BTD: variants seen among roughly 807,000 people sequenced by gnomAD.
BTD encodes the protein biocytinase.
Under a neutral mutation model 17.7 loss-of-function variants are expected in BTD, and 13 were observed. The ratio of observed to expected loss-of-function variants is 0.74; its 90% CI spans 0.48 to 1.17. The LOEUF is 1.17. BTD is among the 50% of genes most tolerant of loss of function. The pLI is 0.00. For missense variants in BTD, 674 were observed against 650.4 expected (o/e 1.04, Z -0.39); for synonymous variants, 240 against 245.2 (o/e 0.98, Z 0.20).
intron 3 of BTD, among the ~76,000 whole-genome samples, chr3:15,699,936 G>A (rs143728671): frequency 0.091 from 13,803 of 152,194 alleles, 692 homozygotes; most frequent in African/African-American, 0.12. Flanking sequence ...ACATGCACAC[G>A]TATGTTTACT....
intron 3 of BTD, among the ~76,000 whole-genome samples, chr3:15,702,631 C>CA (rs1312813072): frequency 3.3e-5 from 5 of 152,136 alleles, no homozygotes; most frequent in Non-Finnish European, 5.9e-5. Context: ...CTTACCCTAC[C>CA]ACTCATGAAC....
At chr3:15,660,539 A>G (rs992073670) in intron 3 of BTD, among the ~76,000 whole-genome samples, 2 of 152,252 alleles carry the variant, frequency 1.3e-5, no homozygotes, top group African/African-American at 4.8e-5. Flanking sequence ...CAAGGATCAC[A>G]TTTATTGTGT....
At chr3:15,678,116 G>C in intron 3 of BTD, 1 of 1,250,716 alleles carries the variant, frequency 8.0e-7, no homozygotes, top group Non-Finnish European at 1.1e-6. Flanking sequence ...GGAGTGGTAA[G>C]ATAACTAGTT....
Position 15,645,306 on chromosome 3 carries a change from T to G in BTD, c.1390T>G (p.Phe464Val). 6.2e-7 allele frequency: 1 copy of G among 1,614,120 alleles called. No homozygotes were observed. Among genetic ancestry groups the G allele is most frequent in the Non-Finnish European group, 8.5e-7 (1 of 1,180,028 alleles). The part of the protein sequence containing the change: ...EITEATGIFE[F>V]HLWGNFSTSY... ...CACAGAGGCCACGGGGATATTTGAG[T>G]TTCACCTGTGGGGCAACTTCAGTAC... Residue 464 changes from phenylalanine (F) to valine (V), a missense_variant, in exon 4 of 4, where the codon TTT (phenylalanine) becomes GTT (valine). By Grantham distance (50) the Phe-to-Val change is conservative. Transcript: ENST00000643237.
intron 3 of BTD, among the ~76,000 whole-genome samples, chr3:15,689,435 CT>C (rs2068523375): frequency 6.6e-6 from 1 of 152,208 alleles, no homozygotes; most frequent in Non-Finnish European, 1.5e-5. Flanking sequence ...CCACTGCCCC[CT>C]GAGGGGCCCC....
intron 2 of BTD, among the ~76,000 whole-genome samples, chr3:15,637,032 C>T (rs942314056): frequency 6.6e-6 from 1 of 152,046 alleles, no homozygotes; most frequent in African/African-American, 2.4e-5. Context: ...AGTCAGCCTC[C>T]CCGTAACTGC....
intron 3 of BTD, among the ~76,000 whole-genome samples, chr3:15,659,910 G>T (rs894549885): frequency 6.6e-6 from 1 of 152,162 alleles, no homozygotes; most frequent in South Asian, 2.1e-4. Context: ...TGAGGTTCAG[G>T]GAGGTTTAAT....
At chr3:15,666,009 G>T (rs1002899600) in intron 3 of BTD, among the ~76,000 whole-genome samples, 1 of 152,120 alleles carries the variant, frequency 6.6e-6, no homozygotes, top group Middle Eastern at 3.2e-3. Context: ...TAGATTTGGG[G>T]TGGTTAGGTG....
At chr3:15,637,896 A>G (rs2065393994) in intron 2 of BTD, among the ~76,000 whole-genome samples, 1 of 152,234 alleles carries the variant, frequency 6.6e-6, no homozygotes, top group African/African-American at 2.4e-5. Context: ...TGTTGAAACC[A>G]CGCCAGCTGC....
intron 3 of BTD, among the ~76,000 whole-genome samples, chr3:15,707,712 A>G (rs1016880193): frequency 1.3e-5 from 2 of 152,208 alleles, no homozygotes; most frequent in Non-Finnish European, 2.9e-5. Flanking sequence ...CTTCCACCAG[A>G]TCAGCTAGTA....
At chr3:15,628,297 A>C (rs1268457241) in intron 1 of BTD, among the ~76,000 whole-genome samples, 1 of 152,242 alleles carries the variant, frequency 6.6e-6, no homozygotes, top group Non-Finnish European at 1.5e-5. Flanking sequence ...TCCACCATAC[A>C]TCTAGAGATG....
At chr3:15,678,320 C>T (rs1307078981) in intron 3 of BTD, 4 of 1,611,310 alleles carry the variant, frequency 2.5e-6, no homozygotes, top group Non-Finnish European at 3.4e-6. Flanking sequence ...AAACACTCTA[C>T]ATGGTCTGTG....
At chr3:15,690,520 T>C (rs1236870640) in intron 3 of BTD, among the ~76,000 whole-genome samples, 1 of 152,188 alleles carries the variant, frequency 6.6e-6, no homozygotes, top group Non-Finnish European at 1.5e-5. Context: ...GTGACACGGA[T>C]TCATTTAAAG....
rs1278035878 is a variant in BTD, at chr3:15,635,008, G to A, written c.-16-416G>A. 7.6e-6 allele frequency among the ~76,000 whole-genome samples: 1 copy of A among 131,306 alleles called. No homozygotes were observed. The highest frequency in any genetic ancestry group is 1.6e-5 in the Non-Finnish European group (1 of 63,936). 86.1% of individuals were successfully genotyped at this position (131,306 alleles called of 152,430 possible). On this transcript the variant is annotated intron_variant, in intron 1 of 3. Coordinates refer to ENST00000643237, the MANE Select transcript of BTD (RefSeq NM_001370658.1). The surrounding 1 kb of genome is among the most constrained non-coding windows in gnomAD (Gnocchi z 4.1). ...ACAATCACAGACATTACGGATGGCT[G>A]ACCTGTAGTATGGATAGAGGGCAGA...
chr3:15,627,830 T>C (rs1237920060), intron 1 of BTD, among the ~76,000 whole-genome samples: 2 of 152,204 alleles, frequency 1.3e-5, no homozygotes, highest in African/African-American at 4.8e-5. Context: ...CAAGCTATTC[T>C]CTTGCTTCAG....
downstream of BTD, chr3:15,713,663 C>T (rs1263812677): frequency 1.5e-5 from 23 of 1,510,160 alleles, no homozygotes; most frequent in Non-Finnish European, 1.9e-5. Flanking sequence ...GACTTACTGT[C>T]AGACACTGGA....
At chr3:15,686,143 C>T (rs1270578776) in intron 3 of BTD, 1 of 1,605,774 alleles carries the variant, frequency 6.2e-7, no homozygotes, top group South Asian at 1.1e-5. Flanking sequence ...GGAATAGGTT[C>T]AGTGCTGTCA....
chr3:15,660,288 G>A (rs1403566437), intron 3 of BTD, among the ~76,000 whole-genome samples: 1 of 152,192 alleles, frequency 6.6e-6, no homozygotes, highest in African/African-American at 2.4e-5. Flanking sequence ...TGGCAATACT[G>A]TCCCAGCCAT....
Position 15,650,275 on chromosome 3 carries a change from G to A in BTD, c.*4787G>A, listed in dbSNP as rs183835584. Among the ~76,000 whole-genome samples, 210 of 152,248 alleles carry A rather than the reference G, an allele frequency of 1.4e-3. No individual in the cohort carries two copies. Among genetic ancestry groups the A allele is most frequent in the African/African-American group, 4.9e-3 (205 of 41,544 alleles). On this transcript the variant is annotated 3_prime_UTR_variant, in exon 4 of 4. Transcript: ENST00000643237. ...GTTTGGAAAGTTTTTTTATTTTTGTGTTCAGTACTGAAGTAAAACAAAAAT... is the reference window on the plus strand; with the variant it reads ...GTTTGGAAAGTTTTTTTATTTTTGTATTCAGTACTGAAGTAAAACAAAAAT...
Sources: gnomAD v4.1 joint callset for allele counts (sites outside exome capture counted in the v4.1 genomes callset) on GRCh38, gnomAD v4.1.1 for gene constraint, Gnocchi (gnomAD v3.1) non-coding constraint, MANE v1.5 for transcripts, NCBI Gene and HGNC (gene_info 2026-07-23, HGNC 2026-07-21) for gene names.